Variants in HEATR4 observed in about 807,000 individuals in gnomAD.
HEATR4 encodes the protein HEAT repeat-containing protein 4.
Under a neutral mutation model 108.8 loss-of-function variants are expected in HEATR4, and 95 were observed. The ratio of observed to expected loss-of-function variants is 0.87; its 90% confidence interval spans 0.74 to 1.04. The LOEUF is 1.04. HEATR4 is among the 50% of genes least tolerant of loss of function. The probability of loss-of-function intolerance (pLI) is 0.00; values close to 1 mark genes in which losing one functional copy is unlikely to be tolerated. For synonymous variants in HEATR4, 443 were observed against 459.4 expected, an observed-to-expected ratio of 0.96 and a Z score of 0.46; for missense variants, 1,152 against 1,253.8, an observed-to-expected ratio of 0.92 and a Z score of 1.23.
the HEATR4 span, among the ~76,000 whole-genome samples, chr14:73,615,645 G>A: frequency 2.0e-5 from 3 of 151,924 alleles, no homozygotes; most frequent in Admixed American, 6.6e-5. Flanking sequence ...CAGGAGAATC[G>A]CTTGAACCCG....
intron 17 of HEATR4, chr14:73,491,106 T>C: frequency 6.2e-7 from 1 of 1,606,142 alleles, no homozygotes; most frequent in Non-Finnish European, 8.5e-7. Context: ...GGGTCGGTCC[T>C]GGCCCTGCCC....
intron 1 of HEATR4, among the ~76,000 whole-genome samples, chr14:73,551,007 A>G (rs1288262665): frequency 8.8e-6 from 1 of 113,842 alleles, no homozygotes; most frequent in African/African-American, 2.9e-5. Flanking sequence ...AAATACAAAA[A>G]TTAGCCGAGT....
chr14:73,593,940 A>G, the HEATR4 span: 1 of 1,555,420 alleles, frequency 6.4e-7, no homozygotes, highest in Non-Finnish European at 8.8e-7. Context: ...CAGTCTCTCT[A>G]GAAATATTTC....
In HEATR4 at chr14:73,498,248, C is replaced by T; in HGVS notation, c.2453G>A (p.Cys818Tyr). ...AAGTTTCAGGGCTAGGATGCTACGG[C>T]AAGCTTCCAGCCGTACACCTGGTGA... ...EESPGVRLEA[C>Y]RSILALKLQG... The change falls in exon 14 of 18, where the codon TGC (cysteine) becomes TAC (tyrosine). Residue 818 changes from cysteine to tyrosine, a missense_variant. Coordinates refer to ENST00000553558, the MANE Select transcript of HEATR4 (RefSeq NM_001220484.1). 2 of 1,614,088 alleles carry T rather than the reference C, an allele frequency of 1.2e-6. No individual in the cohort carries two copies. The highest frequency in any genetic ancestry group is 1.7e-6 in the Non-Finnish European group (2 of 1,180,012).
At chr14:73,618,017 C>A in the HEATR4 span, among the ~76,000 whole-genome samples, 1,034 of 151,996 alleles carry the variant, frequency 6.8e-3, 6 homozygotes, top group Non-Finnish European at 0.011. Flanking sequence ...GTGGTGCACA[C>A]CTGTAATCCC....
At chr14:73,577,365 C>T in the HEATR4 span, among the ~76,000 whole-genome samples, 1 of 135,594 alleles carries the variant, frequency 7.4e-6, no homozygotes, top group Non-Finnish European at 1.6e-5. Flanking sequence ...CAGCTGGTGC[C>T]ATGTCTCCAA....
At chr14:73,591,541 CAA>C in the HEATR4 span, among the ~76,000 whole-genome samples, 2 of 139,806 alleles carry the variant, frequency 1.4e-5, no homozygotes, top group Admixed American at 7.1e-5. Context: ...GACTCTGTTT[CAA>C]AAAAAAAAAA....
the HEATR4 span, among the ~76,000 whole-genome samples, chr14:73,568,328 G>A: frequency 2.0e-5 from 3 of 150,260 alleles, no homozygotes; most frequent in East Asian, 5.9e-4. Flanking sequence ...CAAGGGCTTG[G>A]CAGGGGCCTA....
the HEATR4 span, among the ~76,000 whole-genome samples, chr14:73,586,656 A>T: frequency 1.1e-4 from 17 of 151,588 alleles, no homozygotes; most frequent in African/African-American, 3.9e-4. Flanking sequence ...CAGTGACCCA[A>T]GATGCACCAC....
At chr14:73,523,300 G>A in intron 2 of HEATR4, 76 bp from the exon 3 acceptor site, 1 of 703,762 alleles carries the variant, frequency 1.4e-6, no homozygotes. Flanking sequence ...TTCAGAAAGA[G>A]AATAACTTGA....
At chr14:73,480,215 G>C (rs1008485733) in intron 17 of HEATR4, among the ~76,000 whole-genome samples, 1 of 152,144 alleles carries the variant, frequency 6.6e-6, no homozygotes, top group Non-Finnish European at 1.5e-5. Context: ...GCCAAGGCAG[G>C]CAGCTCACTT....
chr14:73,605,071 G>A, the HEATR4 span, among the ~76,000 whole-genome samples: 6,956 of 150,938 alleles, frequency 0.046, 251 homozygotes, highest in South Asian at 0.096. Context: ...AAGACAAAAC[G>A]GAGAAAAATA....
At chr14:73,602,793 A>G in the HEATR4 span, among the ~76,000 whole-genome samples, 2 of 152,136 alleles carry the variant, frequency 1.3e-5, no homozygotes, top group African/African-American at 2.4e-5. Context: ...TATTTTGACA[A>G]TGCTTCCCAT....
chr14:73,564,237 G>T, the HEATR4 span, among the ~76,000 whole-genome samples: 5 of 151,414 alleles, frequency 3.3e-5, no homozygotes, highest in African/African-American at 4.9e-5. Flanking sequence ...GCCAGAGGTT[G>T]CAGTGAGCCG....
At chr14:73,562,342 T>C (rs1310298573), upstream of HEATR4, among the ~76,000 whole-genome samples, 2 of 152,132 alleles carry the variant, frequency 1.3e-5, no homozygotes, top group African/African-American at 4.8e-5. Context: ...TTAATCCTGT[T>C]ATGTTCGTAA....
chr14:73,510,538 C>T lies in HEATR4; in HGVS notation c.1559-1065G>A, dbSNP rs183963114. ...GCAACTTCTGCTTCCTGGGTTCAGG[C>T]GATTCTTCTGCCTCAGCCTTCCGAG... On this transcript the variant is annotated intron_variant, in intron 7 of 17. Coordinates refer to ENST00000553558, the MANE Select transcript of HEATR4 (RefSeq NM_001220484.1). Among the ~76,000 whole-genome samples the T allele has an allele frequency of 4.7e-4, 72 of 152,044 alleles. 2 individuals carry two copies. Among genetic ancestry groups the T allele is most frequent in the South Asian group, 3.3e-3 (16 of 4,814 alleles).
intron 5 of HEATR4, 36 bp downstream of exon 5, chr14:73,518,987 A>G (rs1887805855): frequency 4.4e-6 from 7 of 1,590,218 alleles, no homozygotes; most frequent in African/African-American, 4.0e-5. Flanking sequence ...CATTCCCGTT[A>G]TTAACCCCTG....
chr14:73,480,307 C>G (rs548018915), intron 17 of HEATR4, among the ~76,000 whole-genome samples: 1 of 152,014 alleles, frequency 6.6e-6, no homozygotes, highest in Admixed American at 6.6e-5. Flanking sequence ...CCAGGCATGG[C>G]GCAGATGCCT....
intron 1 of HEATR4, among the ~76,000 whole-genome samples, chr14:73,555,712 G>A (rs1889383068): frequency 8.6e-6 from 1 of 115,822 alleles, no homozygotes; most frequent in Non-Finnish European, 1.9e-5. Flanking sequence ...CTACCTATAA[G>A]GAGTGATTGG....
Sources: allele counts gnomAD v4.1 joint callset (sites outside exome capture counted in the v4.1 genomes callset), GRCh38; gene constraint gnomAD v4.1.1; transcripts MANE v1.5; gene names NCBI Gene and HGNC (gene_info 2026-07-23, HGNC 2026-07-21).